The following MSRA variants were observed in gnomAD, a reference collection of about 807,000 sequenced individuals.
MSRA encodes the protein methionine sulfoxide reductase A.
In MSRA, 54 loss-of-function variants were observed where a neutral mutation model predicts 31.3. That is an observed-to-expected ratio of 1.73 (90% CI 1.39 to 2.17). MSRA has a LOEUF of 2.17. Among genes scored for constraint, MSRA ranks in the 30% most tolerant of loss-of-function variants. MSRA has a pLI of 0.00. For missense variants in MSRA, 507 were observed against 300.9 expected, an observed-to-expected ratio of 1.69 and a Z score of -5.07; for synonymous variants, 169 against 116.5, an observed-to-expected ratio of 1.45 and a Z score of -2.90.
At chr8:10,169,179 G>A (rs545248009) in intron 1 of MSRA, among the ~76,000 whole-genome samples, 54 of 152,342 alleles carry the variant, frequency 3.5e-4, no homozygotes, top group Non-Finnish European at 7.1e-4. Context: ...ATCTGTGGCT[G>A]TGCTTGGTAC....
intron 3 of MSRA, among the ~76,000 whole-genome samples, chr8:10,275,753 C>G (rs574115091): frequency 2.9e-4 from 44 of 152,206 alleles, no homozygotes; most frequent in Non-Finnish European, 1.9e-4. Context: ...CTGTGTGACA[C>G]AAAACAGGAA....
chr8:10,190,821 G>T (rs1807443107), intron 1 of MSRA, among the ~76,000 whole-genome samples: 1 of 152,114 alleles, frequency 6.6e-6, no homozygotes, highest in African/African-American at 2.4e-5. Flanking sequence ...GTGTTCAACT[G>T]GTATTTTTTC....
At chr8:10,310,392 A>G (rs902912849) in intron 4 of MSRA, among the ~76,000 whole-genome samples, 1 of 152,222 alleles carries the variant, frequency 6.6e-6, no homozygotes, top group South Asian at 2.1e-4. Flanking sequence ...TTTCCCTTCT[A>G]TCACATTATC....
chr8:10,181,542 C>T (rs900917631), intron 1 of MSRA, among the ~76,000 whole-genome samples: 1 of 151,786 alleles, frequency 6.6e-6, no homozygotes, highest in Non-Finnish European at 1.5e-5. Flanking sequence ...GAAATGTATC[C>T]TAAAAGTCAT....
chr8:10,182,228 A>C (rs1406752644), intron 1 of MSRA, among the ~76,000 whole-genome samples: 1 of 152,174 alleles, frequency 6.6e-6, no homozygotes, highest in Non-Finnish European at 1.5e-5. Context: ...CCTTTATTTG[A>C]CTTACAGAAT....
chr8:10,268,730 C>T (rs1441477468), intron 3 of MSRA, among the ~76,000 whole-genome samples: 1 of 152,204 alleles, frequency 6.6e-6, no homozygotes, highest in Non-Finnish European at 1.5e-5. Context: ...GGCCTGTGGC[C>T]CCAGGTTTCT....
intron 1 of MSRA, among the ~76,000 whole-genome samples, chr8:10,152,376 A>G (rs1803766538): frequency 6.6e-6 from 1 of 152,176 alleles, no homozygotes; most frequent in Non-Finnish European, 1.5e-5. Context: ...AATGTGTAAT[A>G]AAGAGGTATT....
At chr8:10,258,859 C>T (rs1798318765) in intron 3 of MSRA, among the ~76,000 whole-genome samples, 1 of 152,190 alleles carries the variant, frequency 6.6e-6, no homozygotes, top group African/African-American at 2.4e-5. Flanking sequence ...GTAATCCCAG[C>T]ACTTTGGGAG....
At chr8:10,143,482 T>C (rs373825468) in intron 1 of MSRA, among the ~76,000 whole-genome samples, 3 of 152,316 alleles carry the variant, frequency 2.0e-5, no homozygotes, top group East Asian at 3.9e-4. Flanking sequence ...GATTTGTCGT[T>C]ATTCCCCTTT....
At chr8:10,300,974 C>A (rs1800812490) in intron 3 of MSRA, among the ~76,000 whole-genome samples, 1 of 152,086 alleles carries the variant, frequency 6.6e-6, no homozygotes, top group African/African-American at 2.4e-5. Context: ...AAAACACTTA[C>A]CACCCTGCTG....
intron 2 of MSRA, among the ~76,000 whole-genome samples, chr8:10,220,322 C>G (rs866315492): frequency 1.7e-4 from 26 of 152,108 alleles, no homozygotes; most frequent in African/African-American, 4.3e-4. Flanking sequence ...GAGGTCCCAC[C>G]CTATATCCTT....
chr8:10,260,900 T>C (rs1798445001), intron 3 of MSRA, among the ~76,000 whole-genome samples: 2 of 152,218 alleles, frequency 1.3e-5, no homozygotes. Context: ...GGATATTTGA[T>C]AGATATTCAA....
intron 5 of MSRA, chr8:10,336,772 G>A (rs1362517079): frequency 6.6e-6 from 1 of 152,158 alleles, no homozygotes. Context: ...ATACACATTT[G>A]CTTGGAATCG....
chr8:10,377,524 G>C (rs909071681), intron 5 of MSRA, among the ~76,000 whole-genome samples: 1 of 152,210 alleles, frequency 6.6e-6, no homozygotes, highest in African/African-American at 2.4e-5. Context: ...GGGGCATCTA[G>C]GAGGGATGAG....
intron 5 of MSRA, among the ~76,000 whole-genome samples, chr8:10,328,870 T>A (rs895987297): frequency 2.0e-5 from 3 of 152,140 alleles, no homozygotes; most frequent in Non-Finnish European, 4.4e-5. Flanking sequence ...TTATACTTCT[T>A]TGTATTTCAA....
At chr8:10,096,874 G>T (rs1013849891) in intron 1 of MSRA, among the ~76,000 whole-genome samples, 1 of 152,076 alleles carries the variant, frequency 6.6e-6, no homozygotes, top group Admixed American at 6.6e-5. Context: ...TTGACTTGTA[G>T]GATTAAGTTA....
chr8:10,242,852 C>T (rs1462121766), intron 2 of MSRA, among the ~76,000 whole-genome samples: 1 of 152,168 alleles, frequency 6.6e-6, no homozygotes, highest in Non-Finnish European at 1.5e-5. Context: ...TCCTAAGTCA[C>T]ATTCCTCTCC....
Position 10,395,443 on chromosome 8 carries a change from A to G in MSRA, c.544-32705A>G, listed in dbSNP as rs368030552. On this transcript the variant is annotated intron_variant, in intron 5 of 5. Transcript: ENST00000317173. Reference sequence around the variant, plus strand: ...GGCTGGAAAGTTTGGTTGAGGCCAAAATATGGAAGAAACATTTAGCTGTAT... The same window carrying G: ...GGCTGGAAAGTTTGGTTGAGGCCAAGATATGGAAGAAACATTTAGCTGTAT... 9.2e-5 allele frequency among the ~76,000 whole-genome samples: 14 copies of G among 152,314 alleles called. No homozygotes were observed. In the South Asian group the frequency reaches 2.3e-3, roughly 25 times the overall value.
At chr8:10,250,852 C>G (rs1797879438) in intron 3 of MSRA, 1 of 191,290 alleles carries the variant, frequency 5.2e-6, no homozygotes, top group African/African-American at 2.3e-5. Context: ...ATGTAATAAA[C>G]CTGCACATTG....
Sources: allele counts gnomAD v4.1 joint callset (sites outside exome capture counted in the v4.1 genomes callset), GRCh38; gene constraint gnomAD v4.1.1; transcripts MANE v1.5; gene names NCBI Gene and HGNC (gene_info 2026-07-23, HGNC 2026-07-21).